The following SLC35F4 variants were observed in gnomAD, a reference collection of about 807,000 sequenced individuals.
SLC35F4 encodes solute carrier family 35 member F4, also known as chromosome 14 open reading frame 36.
In SLC35F4, 24 loss-of-function variants were observed where a neutral mutation model predicts 44.2. That is an observed-to-expected ratio of 0.54 (90% CI 0.39 to 0.76). The LOEUF (loss-of-function observed/expected upper bound fraction) is 0.76, where lower values mean the gene tolerates loss of function less well. Ranked by LOEUF, SLC35F4 falls within the 30% of genes least tolerant of loss-of-function variation. The pLI is 0.00. For synonymous variants in SLC35F4, 238 were observed against 223.6 expected, an observed-to-expected ratio of 1.06 and a Z score of -0.57; for missense variants, 562 against 586.1, an observed-to-expected ratio of 0.96 and a Z score of 0.42.
intron 1 of SLC35F4, among the ~76,000 whole-genome samples, chr14:57,643,141 C>T (rs560545691): frequency 1.3e-4 from 19 of 151,890 alleles, no homozygotes; most frequent in Admixed American, 1.0e-3. Context: ...GTTTCAACCA[C>T]CTTCAGAAAA....
At chr14:57,602,149 A>C (rs2070859594) in intron 1 of SLC35F4, among the ~76,000 whole-genome samples, 1 of 83,642 alleles carries the variant, frequency 1.2e-5, no homozygotes, top group Non-Finnish European at 2.5e-5. Context: ...TGGAGAGATT[A>C]ATTTCAGCCT....
At chr14:57,960,780 A>G (rs1156275883) in intron 1 of SLC35F4, among the ~76,000 whole-genome samples, 1 of 152,206 alleles carries the variant, frequency 6.6e-6, no homozygotes, top group Non-Finnish European at 1.5e-5. Context: ...GAGCCATTAG[A>G]GTGAGGACAG....
chr14:57,773,613 A>T (rs946960651), intron 1 of SLC35F4, among the ~76,000 whole-genome samples: 1 of 140,784 alleles, frequency 7.1e-6, no homozygotes, highest in African/African-American at 2.6e-5. Context: ...TTAAAAAACA[A>T]CAGGCTGCAT....
chr14:57,779,924 G>A (rs2077577140), intron 1 of SLC35F4, among the ~76,000 whole-genome samples: 1 of 152,064 alleles, frequency 6.6e-6, no homozygotes, highest in African/African-American at 2.4e-5. Context: ...GGTATTGATG[G>A]AATATACCTC....
chr14:57,911,396 G>A (rs532692365), intron 1 of SLC35F4, among the ~76,000 whole-genome samples: 15 of 152,022 alleles, frequency 9.9e-5, no homozygotes, highest in South Asian at 2.1e-4. Flanking sequence ...GTCTCTCCCC[G>A]TTACGTATGA....
At chr14:57,924,853 C>G (rs1889521970) in intron 1 of SLC35F4, among the ~76,000 whole-genome samples, 5 of 151,850 alleles carry the variant, frequency 3.3e-5, no homozygotes, top group Admixed American at 2.6e-4. Context: ...GTGATAATAG[C>G]TCACTGCAGC....
At chr14:57,754,077 T>G (rs920494095) in intron 1 of SLC35F4, among the ~76,000 whole-genome samples, 2 of 151,618 alleles carry the variant, frequency 1.3e-5, no homozygotes, top group African/African-American at 4.8e-5. Flanking sequence ...GATAAGATCC[T>G]TTACAATGAC....
At chr14:57,854,679 G>A (rs1000535790) in intron 1 of SLC35F4, among the ~76,000 whole-genome samples, 1 of 152,150 alleles carries the variant, frequency 6.6e-6, no homozygotes, top group African/African-American at 2.4e-5. Context: ...GCATGCATCT[G>A]CAGACATGTA....
chr14:57,594,442 T>C (rs1351436296), intron 1 of SLC35F4, among the ~76,000 whole-genome samples: 1 of 151,606 alleles, frequency 6.6e-6, no homozygotes, highest in Admixed American at 6.6e-5. Context: ...GTAAAATATA[T>C]GGTAGCAACA....
At chr14:57,943,047 C>G (rs1889943029) in intron 1 of SLC35F4, among the ~76,000 whole-genome samples, 1 of 152,190 alleles carries the variant, frequency 6.6e-6, no homozygotes, top group Non-Finnish European at 1.5e-5. Context: ...CTTCCAATCT[C>G]TTTGTTCCTC....
At chr14:57,587,706 G>A (rs1486282416) in intron 3 of SLC35F4, among the ~76,000 whole-genome samples, 1 of 152,048 alleles carries the variant, frequency 6.6e-6, no homozygotes, top group Admixed American at 6.5e-5. Context: ...AACCACCATG[G>A]CACATGTATA....
chr14:57,811,177 A>G (rs1459964240), intron 1 of SLC35F4, among the ~76,000 whole-genome samples: 1 of 152,162 alleles, frequency 6.6e-6, no homozygotes, highest in Non-Finnish European at 1.5e-5. Flanking sequence ...TGAATAGAAT[A>G]ATTTTTCCTC....
At chr14:57,658,736 A>G (rs1461594006) in intron 1 of SLC35F4, among the ~76,000 whole-genome samples, 1 of 152,188 alleles carries the variant, frequency 6.6e-6, no homozygotes, top group African/African-American at 2.4e-5. Flanking sequence ...GCAATGCTCT[A>G]CAGATATATG....
intron 1 of SLC35F4, among the ~76,000 whole-genome samples, chr14:57,952,320 G>A (rs543224025): frequency 6.9e-4 from 105 of 152,122 alleles, no homozygotes; most frequent in African/African-American, 1.5e-3. Flanking sequence ...ATAAATCCAC[G>A]AAGATGGAAA....
intron 1 of SLC35F4, among the ~76,000 whole-genome samples, chr14:57,896,395 C>A (rs1368781997): frequency 2.0e-5 from 3 of 152,124 alleles, no homozygotes; most frequent in African/African-American, 7.2e-5. Flanking sequence ...CAAGAACAAG[C>A]AAAACTAATT....
intron 1 of SLC35F4, among the ~76,000 whole-genome samples, chr14:57,937,110 C>T (rs1408726326): frequency 6.6e-6 from 1 of 151,516 alleles, no homozygotes; most frequent in Middle Eastern, 3.4e-3. Flanking sequence ...TCTTGTCACC[C>T]AGGCTGGAGT....
At chr14:57,841,916 T>C (rs752996134) in intron 1 of SLC35F4, among the ~76,000 whole-genome samples, 5 of 152,204 alleles carry the variant, frequency 3.3e-5, no homozygotes, top group Non-Finnish European at 7.3e-5. Flanking sequence ...TATTTGGAAA[T>C]TAAACAATGG....
At chr14:57,691,812 T>G (rs537219539) in intron 1 of SLC35F4, among the ~76,000 whole-genome samples, 1 of 151,254 alleles carries the variant, frequency 6.6e-6, no homozygotes, top group African/African-American at 2.4e-5. Flanking sequence ...TATAACATGA[T>G]AGCAAATGTG....
chr14:57,631,654 A>G (rs115650711), intron 1 of SLC35F4, among the ~76,000 whole-genome samples: 2 of 152,088 alleles, frequency 1.3e-5, no homozygotes, highest in African/African-American at 4.8e-5. Context: ...TGTGGTACCA[A>G]GAAATTTAAA....
Sources: allele counts gnomAD v4.1 joint callset (sites outside exome capture counted in the v4.1 genomes callset), GRCh38; gene constraint gnomAD v4.1.1; transcripts MANE v1.5; gene names NCBI Gene and HGNC (gene_info 2026-07-23, HGNC 2026-07-21).